The following SERPINI2 variants were observed in gnomAD, a reference collection of about 807,000 sequenced individuals.
SERPINI2 encodes the protein serpin I2.
Under a neutral mutation model 47.3 loss-of-function variants are expected in SERPINI2, and 48 were observed. That is an observed-to-expected ratio of 1.02 (90% confidence interval 0.81 to 1.29). The LOEUF (loss-of-function observed/expected upper bound fraction) is 1.29, where lower values mean the gene tolerates loss of function less well. Among genes scored for constraint, SERPINI2 ranks in the 50% most tolerant of loss-of-function variants. The pLI is 0.00. For synonymous variants in SERPINI2, 135 were observed against 149.3 expected, an observed-to-expected ratio of 0.90 and a Z score of 0.70; for missense variants, 448 against 456.9, an observed-to-expected ratio of 0.98 and a Z score of 0.18.
At chr3:167,453,318 T>C (rs1406302673) in intron 5 of SERPINI2, among the ~76,000 whole-genome samples, 1 of 152,086 alleles carries the variant, frequency 6.6e-6, no homozygotes, top group Non-Finnish European at 1.5e-5. Context: ...GAATTCTAAG[T>C]TCTATCTAAG....
At chr3:167,447,698 G>A (rs1025319574) in intron 7 of SERPINI2, among the ~76,000 whole-genome samples, 1 of 152,144 alleles carries the variant, frequency 6.6e-6, no homozygotes, top group Admixed American at 6.5e-5. Flanking sequence ...AATATAATGA[G>A]ATCAAACAAT....
upstream of SERPINI2, among the ~76,000 whole-genome samples, chr3:167,474,381 A>G (rs1247017264): frequency 6.6e-6 from 1 of 151,760 alleles, no homozygotes; most frequent in Non-Finnish European, 1.5e-5. Flanking sequence ...GGACTCCTAC[A>G]TCAGATTACC....
chr3:167,463,321 A>G (rs910537096), intron 5 of SERPINI2, among the ~76,000 whole-genome samples: 1 of 152,226 alleles, frequency 6.6e-6, no homozygotes, highest in African/African-American at 2.4e-5. Context: ...GAAAAAAAGA[A>G]TAATATCAAG....
chr3:167,475,964 G>T (rs1750471754), upstream of SERPINI2, among the ~76,000 whole-genome samples: 1 of 151,638 alleles, frequency 6.6e-6, no homozygotes, highest in East Asian at 1.9e-4. Context: ...GAACTTAAAA[G>T]TTAATTCTTC....
chr3:167,465,061 A>G (rs989838464), intron 5 of SERPINI2, 145 bp downstream of exon 5: 4 of 717,680 alleles, frequency 5.6e-6, no homozygotes, highest in Non-Finnish European at 6.7e-6. Context: ...TTTAGTATCC[A>G]AAAGTAGAGT....
intron 2 of SERPINI2, among the ~76,000 whole-genome samples, chr3:167,470,026 T>C (rs759098717): frequency 5.3e-5 from 8 of 152,208 alleles, no homozygotes; most frequent in Non-Finnish European, 4.4e-5. Context: ...TTTATCATGT[T>C]CACAATTCAC....
At chr3:167,465,299 T>C (rs749222400) in exon 5 of SERPINI2, 2 of 1,613,096 alleles carry the variant, frequency 1.2e-6, no homozygotes, top group South Asian at 2.2e-5. Context: ...TTCTTCTATA[T>C]CCATACCTTC....
At chr3:167,462,392 G>A (rs1374797262) in intron 5 of SERPINI2, among the ~76,000 whole-genome samples, 1 of 152,164 alleles carries the variant, frequency 6.6e-6, no homozygotes, top group African/African-American at 2.4e-5. Flanking sequence ...TCAGAAGGCC[G>A]TGAGGGAAAA....
At chr3:167,470,654 T>C (rs1426885763) in intron 2 of SERPINI2, among the ~76,000 whole-genome samples, 1 of 148,434 alleles carries the variant, frequency 6.7e-6, no homozygotes, top group Non-Finnish European at 1.5e-5. Flanking sequence ...CTCTGCCTCT[T>C]GGGTTCAAGC....
At chr3:167,459,767 G>C (rs534539040) in intron 5 of SERPINI2, among the ~76,000 whole-genome samples, 8 of 151,630 alleles carry the variant, frequency 5.3e-5, no homozygotes, top group Non-Finnish European at 1.2e-4. Flanking sequence ...TGGTGTTATG[G>C]GTTGAATTGT....
chr3:167,467,453 T>C (rs769807092), intron 2 of SERPINI2, among the ~76,000 whole-genome samples, 168 bp from the exon 3 acceptor site: 1 of 152,178 alleles, frequency 6.6e-6, no homozygotes, highest in Non-Finnish European at 1.5e-5. Context: ...GTATCTCCTG[T>C]AGAATATGCA....
chr3:167,468,812 T>A (rs1281947516), intron 2 of SERPINI2, among the ~76,000 whole-genome samples: 1 of 152,192 alleles, frequency 6.6e-6, no homozygotes. Flanking sequence ...AAAGGCTTTC[T>A]GAGTAAAGAC....
At chr3:167,467,077 G>A in exon 3 of SERPINI2, 8 of 1,610,296 alleles carry the variant, frequency 5.0e-6, no homozygotes, top group Non-Finnish European at 6.8e-6. Context: ...TTTCTACCCA[G>A]GTACTTATCA....
At chr3:167,474,745 G>A (rs1316623959), upstream of SERPINI2, among the ~76,000 whole-genome samples, 1 of 151,526 alleles carries the variant, frequency 6.6e-6, no homozygotes, top group Non-Finnish European at 1.5e-5. Flanking sequence ...TTGCAAAAAG[G>A]TCATTAATAA....
At chr3:167,467,309 T>C in intron 2 of SERPINI2, 24 bp from the exon 3 acceptor site, 1 of 1,504,976 alleles carries the variant, frequency 6.6e-7, no homozygotes, top group Non-Finnish European at 9.1e-7. Context: ...TTAATGTATA[T>C]TGGCATATTG....
chr3:167,468,121 A>C lies in SERPINI2; in HGVS notation c.248-836T>G, dbSNP rs545794479. ...CATTTCCTTCTGGCTTAATCTTAGA[A>C]CTCAATCATTAAGTCTTGTAACTCT... On this transcript the variant is annotated intron_variant, in intron 2 of 8. Transcript: ENST00000264677. Among the ~76,000 whole-genome samples, 4 of 152,200 alleles carry C rather than the reference A, an allele frequency of 2.6e-5. No homozygotes were observed. In the East Asian group the frequency reaches 7.7e-4, roughly 29 times the overall value.
At chr3:167,464,397 AAATG>A in intron 5 of SERPINI2, among the ~76,000 whole-genome samples, 2 of 152,186 alleles carry the variant, frequency 1.3e-5, no homozygotes, top group East Asian at 3.9e-4. Flanking sequence ...AAAACATTAA[AAATG>A]TTAATGAGAC....
chr3:167,467,527 A>G (rs1750174647), intron 2 of SERPINI2, among the ~76,000 whole-genome samples: 1 of 152,238 alleles, frequency 6.6e-6, no homozygotes, highest in African/African-American at 2.4e-5. Context: ...AAATTTGTCA[A>G]AAAAAAGAAT....
intron 6 of SERPINI2, among the ~76,000 whole-genome samples, chr3:167,451,513 A>G (rs1414514848): frequency 2.0e-5 from 3 of 152,208 alleles, no homozygotes; most frequent in Non-Finnish European, 4.4e-5. Context: ...ATTGGCTATG[A>G]CTATTCTATT....
Sources: gnomAD v4.1 joint callset for allele counts (sites outside exome capture counted in the v4.1 genomes callset) on GRCh38, gnomAD v4.1.1 for gene constraint, MANE v1.5 for transcripts, NCBI Gene and HGNC (gene_info 2026-07-23, HGNC 2026-07-21) for gene names.